Variants in HS3ST3A1 observed in about 807,000 individuals in gnomAD.
HS3ST3A1 encodes heparan sulfate glucosamine 3-O-sulfotransferase 3A1.
HS3ST3A1 carries 19 observed loss-of-function variants against 25.7 expected under a neutral mutation model. That is an observed-to-expected ratio of 0.74 (90% CI 0.52 to 1.08). The LOEUF (loss-of-function observed/expected upper bound fraction) is 1.08, where lower values mean the gene tolerates loss of function less well. HS3ST3A1 is among the 50% of genes least tolerant of loss of function. HS3ST3A1 has a pLI of 0.00. For missense variants in HS3ST3A1, 459 were observed against 594.3 expected (o/e 0.77, Z 2.37); for synonymous variants, 226 against 278.6 (o/e 0.81, Z 1.88).
chr17:13,496,866 T>A (rs1905301478), intron 1 of HS3ST3A1, 48 bp from the exon 2 acceptor site: 2 of 1,579,132 alleles, frequency 1.3e-6, no homozygotes, highest in African/African-American at 1.3e-5. Flanking sequence ...GAGAGCTCAG[T>A]CCCAGGAGAG....
chr17:13,506,481 G>A (rs754749537), intron 1 of HS3ST3A1, among the ~76,000 whole-genome samples: 1 of 152,134 alleles, frequency 6.6e-6, no homozygotes, highest in Non-Finnish European at 1.5e-5. Context: ...ATCACATCAA[G>A]AGATTTGTAT....
At chr17:13,522,961 C>G (rs1338797364) in intron 1 of HS3ST3A1, among the ~76,000 whole-genome samples, 1 of 151,430 alleles carries the variant, frequency 6.6e-6, no homozygotes, top group Non-Finnish European at 1.5e-5. Flanking sequence ...GGAGCTTTAT[C>G]CAGAGTGGTA....
intron 1 of HS3ST3A1, among the ~76,000 whole-genome samples, chr17:13,545,963 C>T (rs987831687): frequency 2.0e-5 from 3 of 151,658 alleles, no homozygotes; most frequent in Non-Finnish European, 4.4e-5. Flanking sequence ...GGTGACAGAG[C>T]GAGTCTCCTT....
intron 1 of HS3ST3A1, among the ~76,000 whole-genome samples, chr17:13,550,434 G>A (rs755929163): frequency 6.6e-6 from 1 of 151,888 alleles, no homozygotes; most frequent in Non-Finnish European, 1.5e-5. Context: ...CTCCACACAC[G>A]CCCCCCATGT....
At chr17:13,513,959 T>A (rs963284613) in intron 1 of HS3ST3A1, among the ~76,000 whole-genome samples, 1 of 152,140 alleles carries the variant, frequency 6.6e-6, no homozygotes, top group Non-Finnish European at 1.5e-5. Context: ...TATTTTCTCA[T>A]ACACTCCTTA....
chr17:13,540,705 T>G (rs1036855049), intron 1 of HS3ST3A1, among the ~76,000 whole-genome samples: 1 of 152,228 alleles, frequency 6.6e-6, no homozygotes, highest in Non-Finnish European at 1.5e-5. Flanking sequence ...CTGTGGTTCA[T>G]TGAGCGAACT....
chr17:13,580,751 C>T (rs372487205), intron 1 of HS3ST3A1, among the ~76,000 whole-genome samples: 25 of 151,992 alleles, frequency 1.6e-4, no homozygotes, highest in South Asian at 4.1e-4. Context: ...ATTAGCCGGA[C>T]GTGGTGACAC....
chr17:13,569,686 T>G (rs192839136), intron 1 of HS3ST3A1, among the ~76,000 whole-genome samples: 113 of 152,318 alleles, frequency 7.4e-4, no homozygotes, highest in African/African-American at 2.7e-3. Flanking sequence ...TATCAACTTC[T>G]GAAACTTTAA....
chr17:13,509,021 G>A (rs1905777099), intron 1 of HS3ST3A1, among the ~76,000 whole-genome samples: 1 of 151,338 alleles, frequency 6.6e-6, no homozygotes. Flanking sequence ...CCTGGCCCTG[G>A]CAGAGATCCA....
intron 1 of HS3ST3A1, among the ~76,000 whole-genome samples, chr17:13,517,148 G>A (rs1906080854): frequency 6.6e-6 from 1 of 152,152 alleles, no homozygotes; most frequent in Non-Finnish European, 1.5e-5. Context: ...TTTTCAATTA[G>A]GCACATTCAT....
At chr17:13,563,517 T>C (rs1485535525) in intron 1 of HS3ST3A1, among the ~76,000 whole-genome samples, 1 of 152,184 alleles carries the variant, frequency 6.6e-6, no homozygotes. Flanking sequence ...ATGTCAGATA[T>C]GTCCAGCTAC....
chr17:13,499,858 G>A (rs894032087), intron 1 of HS3ST3A1, among the ~76,000 whole-genome samples: 5 of 152,156 alleles, frequency 3.3e-5, no homozygotes, highest in Non-Finnish European at 5.9e-5. Flanking sequence ...GACTGATTTA[G>A]CATGGGATGG....
At chr17:13,547,083 C>T (rs927170087) in intron 1 of HS3ST3A1, among the ~76,000 whole-genome samples, 15 of 152,146 alleles carry the variant, frequency 9.9e-5, no homozygotes, top group African/African-American at 3.6e-4. Flanking sequence ...CTATTAAATT[C>T]TATGACCACA....
rs1905211605 is a variant in HS3ST3A1, at chr17:13,494,235, T to C, written c.*1962A>G. On this transcript the variant is annotated 3_prime_UTR_variant, in exon 2 of 2. Coordinates refer to ENST00000284110, the MANE Select transcript of HS3ST3A1 (RefSeq NM_006042.3). ...ATCTTGTTGCAGCTAGTGATTCAAG[T>C]AGAATAAAAACAGTCTGTGGCACTG... Among the ~76,000 whole-genome samples, 2 of 152,134 alleles carry C rather than the reference T, an allele frequency of 1.3e-5. No individual in the cohort carries two copies. Among genetic ancestry groups the C allele is most frequent in the Non-Finnish European group, 2.9e-5 (2 of 68,024 alleles).
At chr17:13,560,784 T>A (rs925610264) in intron 1 of HS3ST3A1, among the ~76,000 whole-genome samples, 3 of 152,226 alleles carry the variant, frequency 2.0e-5, no homozygotes, top group African/African-American at 7.2e-5. Flanking sequence ...AAGTACTTAG[T>A]ACCTCAGGAA....
intron 1 of HS3ST3A1, among the ~76,000 whole-genome samples, chr17:13,541,717 A>G (rs1250832044): frequency 6.6e-6 from 1 of 152,186 alleles, no homozygotes; most frequent in Non-Finnish European, 1.5e-5. Context: ...TGAGCCTTTG[A>G]ACATCGTGAC....
At position 13,601,294 on chromosome 17, in the gene HS3ST3A1, C is replaced by T; in HGVS notation, c.-165G>A. The T allele has an allele frequency of 1.9e-6, 1 of 532,998 alleles. No individual in the cohort carries two copies. The highest frequency in any genetic ancestry group is 3.2e-6 in the Non-Finnish European group (1 of 317,346). 33.0% of individuals were successfully genotyped at this position (532,998 alleles called of 1,614,324 possible). On this transcript the variant is annotated 5_prime_UTR_variant, in exon 1 of 2. Transcript: ENST00000284110. ...CCGGGAGGCAGCGGCCGGGGCTCCG[C>T]GGGGAAACGGAATCCCGGGGGCCCC...
chr17:13,588,208 GGTT>G (rs1376952453), intron 1 of HS3ST3A1, among the ~76,000 whole-genome samples: 1 of 151,988 alleles, frequency 6.6e-6, no homozygotes, highest in African/African-American at 2.4e-5. Context: ...AGAATTGAGT[GGTT>G]GTGATAAACA....
chr17:13,528,795 A>G (rs1473299676), intron 1 of HS3ST3A1, among the ~76,000 whole-genome samples: 1 of 152,068 alleles, frequency 6.6e-6, no homozygotes, highest in Non-Finnish European at 1.5e-5. Context: ...GAAGATGAAC[A>G]GGAGTTGAAT....
Sources: gnomAD v4.1 joint callset for allele counts (sites outside exome capture counted in the v4.1 genomes callset) on GRCh38, gnomAD v4.1.1 for gene constraint, MANE v1.5 for transcripts, NCBI Gene and HGNC (gene_info 2026-07-23, HGNC 2026-07-21) for gene names.